Variants in TCTN1 observed in about 807,000 individuals in gnomAD.
TCTN1 encodes the protein tectonic family member 1.
Under a neutral mutation model 65.8 loss-of-function variants are expected in TCTN1, and 58 were observed. The ratio of observed to expected loss-of-function variants is 0.88; its 90% CI spans 0.71 to 1.10. The LOEUF is 1.10. Ranked by LOEUF, TCTN1 falls within the 50% of genes least tolerant of loss-of-function variation. TCTN1 has a pLI of 0.00. For synonymous variants in TCTN1, 273 were observed against 289.1 expected (o/e 0.94, Z 0.57); for missense variants, 645 against 719.4 (o/e 0.90, Z 1.18).
intron 2 of TCTN1, among the ~76,000 whole-genome samples, chr12:110,624,857 C>G (rs561853517): frequency 1.8e-4 from 27 of 151,868 alleles, no homozygotes; most frequent in African/African-American, 6.5e-4. Flanking sequence ...GCTGGGATTA[C>G]AGGCATGATC....
rs867134916 is a variant in TCTN1 at position 110,644,978 on chromosome 12, C to T, written c.1343C>T (p.Ala448Val). The T allele has an allele frequency of 6.2e-7, 1 of 1,614,242 alleles. No individual in the cohort carries two copies. Among genetic ancestry groups the T allele is most frequent in the Non-Finnish European group, 8.5e-7 (1 of 1,180,046 alleles). ...TTTCCTTCACCAAGACTGACTGGAGCTCTCCCGTGTCAGCTCGTAGCACAG... is the reference window on the plus strand; with the variant it reads ...TTTCCTTCACCAAGACTGACTGGAGTTCTCCCGTGTCAGCTCGTAGCACAG... ...QSGCKLRLTG[A>V]LPCQLVAQKV... The change falls in exon 12 of 15, where the codon GCT becomes GTT. Residue 448 changes from alanine (A) to valine (V), a missense_variant. Transcript: ENST00000397659. This position sits in a 1 kb window ranked among gnomAD's most constrained non-coding sequence, Gnocchi z 4.6.
At chr12:110,617,199 G>T (rs182870221) in intron 1 of TCTN1, among the ~76,000 whole-genome samples, 1 of 152,250 alleles carries the variant, frequency 6.6e-6, no homozygotes, top group Admixed American at 6.5e-5. Context: ...GCACATAGAA[G>T]AGTTCTCAAC....
In TCTN1 at chr12:110,636,495, A is replaced by G. The variant is rs1240796458; in HGVS notation, c.837A>G (p.Arg279=). The change falls in exon 7 of 15, where the codon AGA becomes AGG. Residue 279 remains arginine, a synonymous_variant. Transcript: ENST00000397659. ...SPEILRVPDS[R]KKVPITVQSI... Reference sequence around the variant, plus strand: ...TTTTTATCTAGGTACCTGATTCAAGAAAAAAGGTAAGAGTATTTATTTATT... The same window carrying G: ...TTTTTATCTAGGTACCTGATTCAAGGAAAAAGGTAAGAGTATTTATTTATT... The G allele has an allele frequency of 7.4e-7, 1 of 1,359,626 alleles. No homozygotes were observed. The highest frequency in any genetic ancestry group is 1.0e-6 in the Non-Finnish European group (1 of 961,170). The allele number at this position is 1,359,626 out of a possible 1,614,324, so 84.2% of individuals were successfully genotyped here. A position where few individuals can be genotyped will look rare whatever the true frequency, so the allele number is the denominator to read the frequency against.
chr12:110,645,551 C>A, intron 12 of TCTN1: 1 of 275,820 alleles, frequency 3.6e-6, no homozygotes, highest in South Asian at 3.8e-5. Flanking sequence ...AATGTTGAGT[C>A]CTGTATCAAA....
chr12:110,628,152 T>A, intron 3 of TCTN1: 1 of 1,536,112 alleles, frequency 6.5e-7, no homozygotes. Flanking sequence ...TACAGGTTGA[T>A]ACAGCAAACT....
chr12:110,627,253 A>G (rs1220054825), intron 3 of TCTN1, among the ~76,000 whole-genome samples: 3 of 151,314 alleles, frequency 2.0e-5, no homozygotes, highest in Non-Finnish European at 2.9e-5. Flanking sequence ...ACCTGCCACC[A>G]CACCCAGCTA....
At chr12:110,638,408 T>C (rs371682299) in intron 7 of TCTN1, among the ~76,000 whole-genome samples, 5 of 152,220 alleles carry the variant, frequency 3.3e-5, no homozygotes, top group East Asian at 3.8e-4. Flanking sequence ...ATCAGGAGTA[T>C]AGAAATTGGG....
At chr12:110,614,538 C>A in intron 1 of TCTN1, 136 bp downstream of exon 1, 1 of 1,492,272 alleles carries the variant, frequency 6.7e-7, no homozygotes, top group Non-Finnish European at 9.0e-7. Context: ...GTTCCATAAA[C>A]GTCCATTCTC....
intron 3 of TCTN1, 131 bp downstream of exon 3, chr12:110,626,623 A>G: frequency 1.0e-6 from 1 of 1,003,520 alleles, no homozygotes; most frequent in Non-Finnish European, 1.4e-6. Context: ...TCTGTCACCC[A>G]GGCTGGCGTG....
intron 3 of TCTN1, among the ~76,000 whole-genome samples, chr12:110,627,552 C>T (rs913369417): frequency 3.9e-5 from 6 of 152,208 alleles, no homozygotes; most frequent in African/African-American, 7.2e-5. Context: ...CTTTCGAAAC[C>T]GTATACTTAT....
chr12:110,614,840 A>G (rs1283475292), intron 1 of TCTN1, among the ~76,000 whole-genome samples: 3 of 152,222 alleles, frequency 2.0e-5, no homozygotes, highest in East Asian at 3.8e-4. Flanking sequence ...CCTGAATTCT[A>G]AAAACCCAGG....
At chr12:110,625,252 T>G (rs1418224788) in intron 2 of TCTN1, among the ~76,000 whole-genome samples, 1 of 152,170 alleles carries the variant, frequency 6.6e-6, no homozygotes, top group Non-Finnish European at 1.5e-5. Context: ...CTCAATTTTG[T>G]TTTTTTCTGT....
chr12:110,619,692 CT>C, intron 1 of TCTN1, 143 bp from the exon 2 acceptor site: 1 of 1,314,124 alleles, frequency 7.6e-7, no homozygotes, highest in Non-Finnish European at 1.1e-6. Flanking sequence ...CTCATTTCCA[CT>C]TCACAAATTT....
intron 2 of TCTN1, among the ~76,000 whole-genome samples, chr12:110,624,180 C>T (rs555810002): frequency 7.3e-5 from 11 of 150,832 alleles, no homozygotes; most frequent in African/African-American, 2.7e-4. Context: ...CCATGGCCTC[C>T]CAAAGTACTG....
chr12:110,620,356 G>T (rs2065337899), intron 2 of TCTN1, among the ~76,000 whole-genome samples: 1 of 151,928 alleles, frequency 6.6e-6, no homozygotes, highest in Non-Finnish European at 1.5e-5. Flanking sequence ...TGCAGTGAGT[G>T]GAGATTGCGC....
chr12:110,628,941 C>T, intron 4 of TCTN1, 23 bp downstream of exon 4: 1 of 1,612,522 alleles, frequency 6.2e-7, no homozygotes, highest in South Asian at 1.1e-5. Flanking sequence ...TTGATTGATT[C>T]TTTTCATCCC....
intron 12 of TCTN1, 172 bp downstream of exon 12, chr12:110,645,301 A>T (rs1488398532): frequency 5.0e-6 from 4 of 793,798 alleles, no homozygotes; most frequent in Non-Finnish European, 8.1e-6. Context: ...GCCTCTGGCC[A>T]GCAGTTTTAT....
At chr12:110,628,690 C>T in intron 3 of TCTN1, 77 bp from the exon 4 acceptor site, 2 of 1,345,554 alleles carry the variant, frequency 1.5e-6, no homozygotes, top group Non-Finnish European at 2.0e-6. Flanking sequence ...AAAAACTTTC[C>T]AAAACCTTTA....
In TCTN1 at chr12:110,644,090, G is replaced by A. The variant is rs571243095; in HGVS notation, c.1332-877G>A. On this transcript the variant is annotated intron_variant, in intron 11 of 14. Transcript: ENST00000397659. This position sits in a 1 kb window ranked among gnomAD's most constrained non-coding sequence, Gnocchi z 4.6. ...GTAGGTCTGTGGTCCAATACGTTTG[G>A]GAAACACCAAATTAAAGTTAAAACA... 2 of 152,240 alleles carry A rather than the reference G, an allele frequency of 1.3e-5. No individual in the cohort carries two copies. The highest frequency in any genetic ancestry group is 1.3e-4 in the Admixed American group (2 of 15,296). The allele number at this position is 152,240 out of a possible 1,614,324, so 9.4% of individuals were successfully genotyped here.
Sources: gnomAD v4.1 joint callset for allele counts (sites outside exome capture counted in the v4.1 genomes callset) on GRCh38, gnomAD v4.1.1 for gene constraint, Gnocchi (gnomAD v3.1) non-coding constraint, MANE v1.5 for transcripts, NCBI Gene and HGNC (gene_info 2026-07-23, HGNC 2026-07-21) for gene names.